RACK1: variants seen among roughly 807,000 people sequenced by gnomAD.
RACK1 encodes receptor for activated C kinase 1, also known as small ribosomal subunit protein RACK1.
In RACK1, 3 loss-of-function variants were observed where a neutral mutation model predicts 42.2. The observed-to-expected ratio is 0.07, with a 90% confidence interval of 0.03 to 0.18. The LOEUF (loss-of-function observed/expected upper bound fraction) is 0.18, where lower values mean the gene tolerates loss of function less well. Among genes scored for constraint, RACK1 ranks in the 10% least tolerant of loss-of-function variants. RACK1 has a pLI of 1.00. For missense variants in RACK1, 146 were observed against 403.2 expected, an observed-to-expected ratio of 0.36 and a Z score of 5.46; for synonymous variants, 181 against 154.8, an observed-to-expected ratio of 1.17 and a Z score of -1.25.
Position 181,243,839 on chromosome 5 carries a change from T to C in RACK1, c.-39A>G, listed in dbSNP as rs909840517. 1.3e-6 allele frequency: 2 copies of C among 1,563,316 alleles called. No homozygotes were observed. Among genetic ancestry groups the C allele is most frequent in the Non-Finnish European group, 1.7e-6 (2 of 1,153,882 alleles). ...GCGTGTGTCGCTGCAGCGACGAGGA[T>C]GGCACTGGATGGCTTAGAGAAACTA... is the stretch of plus-strand genomic sequence containing the variant. On this transcript the variant is annotated 5_prime_UTR_variant, in exon 1 of 8. Coordinates refer to ENST00000512805, the MANE Select transcript of RACK1 (RefSeq NM_006098.5).
In RACK1 at chr5:181,236,914, A is replaced by G. The variant is rs1759157510; in HGVS notation, c.*63T>C. On this transcript the variant is annotated 3_prime_UTR_variant, in exon 8 of 8. Transcript: ENST00000512805. Reference sequence around the variant, plus strand: ...AATGGAGCTTTTTTGCATATAAGAAAAAAAAACCTAAAAGTCAGAAAAGCC... The same window carrying G: ...AATGGAGCTTTTTTGCATATAAGAAGAAAAAACCTAAAAGTCAGAAAAGCC... 1.3e-6 allele frequency: 2 copies of G among 1,542,022 alleles called. No individual in the cohort carries two copies. The highest frequency in any genetic ancestry group is 1.4e-5 in the African/African-American group (1 of 70,496).
At chr5:181,240,779 T>C (rs1245717928) in intron 3 of RACK1, among the ~76,000 whole-genome samples, 1 of 152,202 alleles carries the variant, frequency 6.6e-6, no homozygotes, top group African/African-American at 2.4e-5. Context: ...CCTCCCACCT[T>C]GGCCTACCAG....
At chr5:181,243,012 G>T (rs1360694999) in intron 1 of RACK1, 4 of 348,116 alleles carry the variant, frequency 1.1e-5, no homozygotes, top group Non-Finnish European at 2.3e-5. Flanking sequence ...CTACCTCTGA[G>T]GGCCGACAGA....
intron 3 of RACK1, 88 bp from the exon 4 acceptor site, chr5:181,239,670 G>T (rs1759267629): frequency 1.3e-6 from 1 of 790,848 alleles, no homozygotes; most frequent in South Asian, 1.6e-5. Flanking sequence ...TAGGATGATG[G>T]CTGGCAGCAC....
At chr5:181,240,619 CA>C (rs1312660804) in intron 3 of RACK1, 2 of 152,224 alleles carry the variant, frequency 1.3e-5, no homozygotes, top group Admixed American at 1.3e-4. Flanking sequence ...CACCCATCCC[CA>C]AATCCCCGAT....
At chr5:181,242,444 A>C (rs1759378675) in intron 1 of RACK1, 99 bp from the exon 2 acceptor site, 10 of 751,970 alleles carry the variant, frequency 1.3e-5, no homozygotes, top group Non-Finnish European at 2.2e-5. Context: ...GTGGGTTAAC[A>C]ACAACTAAGG....
In RACK1 at chr5:181,239,284, T is replaced by C. The variant is rs975156882; in HGVS notation, c.526-107A>G. 92 of 810,696 alleles carry C rather than the reference T, an allele frequency of 1.1e-4. 1 individual carries two copies. In the Admixed American group the frequency reaches 1.6e-3, roughly 14 times the overall value. 50.2% of individuals were successfully genotyped at this position (810,696 alleles called of 1,614,324 possible). A position where few individuals can be genotyped will look rare whatever the true frequency, so the allele number is the denominator to read the frequency against. ...TTCTGGATACGGTAGCCATTTCTCA[T>C]TCAGTAACATGTCCTGGCCACTTCA... On this transcript the variant is annotated intron_variant, in intron 4 of 7. Transcript: ENST00000512805.
intron 5 of RACK1, 44 bp downstream of exon 5, chr5:181,239,021 ATG>A: frequency 8.0e-7 from 1 of 1,254,370 alleles, no homozygotes; most frequent in Non-Finnish European, 1.2e-6. Flanking sequence ...TGCTCCTTCC[ATG>A]ACGCTGTCTT....
intron 1 of RACK1, chr5:181,243,363 G>T (rs1199274370): frequency 1.4e-6 from 2 of 1,391,686 alleles, no homozygotes; most frequent in Non-Finnish European, 1.9e-6. Context: ...ATGGCATGTT[G>T]GGGTCATCAC....
chr5:181,238,679 G>A, intron 5 of RACK1: 1 of 361,402 alleles, frequency 2.8e-6, no homozygotes, highest in South Asian at 2.2e-5. Flanking sequence ...GCGGGTGCCT[G>A]TAATCCTAGC....
At chr5:181,238,393 T>C (rs1042292202) in intron 5 of RACK1, 154 bp from the exon 6 acceptor site, 8 of 721,008 alleles carry the variant, frequency 1.1e-5, no homozygotes, top group African/African-American at 1.1e-4. Flanking sequence ...TTTATCTCTG[T>C]ATACCTTTCC....
chr5:181,243,208 G>C (rs572455726), intron 1 of RACK1: 5 of 1,204,904 alleles, frequency 4.1e-6, no homozygotes, highest in Non-Finnish European at 4.4e-6. Context: ...CAGGAACACA[G>C]GGATAGGGAC....
At chr5:181,242,721 C>T in intron 1 of RACK1, 1 of 355,484 alleles carries the variant, frequency 2.8e-6, no homozygotes, top group Non-Finnish European at 5.5e-6. Context: ...CACCTGCCAG[C>T]ACGTCTGGCT....
intron 2 of RACK1, chr5:181,241,865 G>A (rs779561096): frequency 3.9e-6 from 3 of 770,632 alleles, no homozygotes; most frequent in South Asian, 1.4e-5. Flanking sequence ...GGGATTGGCT[G>A]ACAATGCCAT....
chr5:181,237,389 A>G, intron 7 of RACK1: 1 of 697,998 alleles, frequency 1.4e-6, no homozygotes, highest in Non-Finnish European at 2.6e-6. Flanking sequence ...TAAGGTATTA[A>G]TTGAAGGCTG....
At position 181,238,579 on chromosome 5, in the gene RACK1, C is replaced by CG. The variant is rs1184301087; in HGVS notation, c.637-341dup. 6.2e-5 allele frequency: 21 copies of CG among 337,086 alleles called. No individual in the cohort carries two copies. The Admixed American group carries it at 8.6e-4, about 14-fold the overall frequency. 20.9% of individuals were successfully genotyped at this position (337,086 alleles called of 1,614,324 possible). A position where few individuals can be genotyped will look rare whatever the true frequency, so the allele number is the denominator to read the frequency against. On this transcript the variant is annotated intron_variant, in intron 5 of 7. Coordinates refer to ENST00000512805, the MANE Select transcript of RACK1 (RefSeq NM_006098.5). Reference sequence around the variant, plus strand: ...CAGCACTTTGGGAAGCCGAGGTGGGCGGATCACCTGAGGTCAGGAGTTCAA... The same window carrying CG: ...CAGCACTTTGGGAAGCCGAGGTGGGCGGGATCACCTGAGGTCAGGAGTTCAA...
intron 5 of RACK1, 74 bp downstream of exon 5, chr5:181,238,993 T>C: frequency 1.1e-6 from 1 of 938,768 alleles, no homozygotes; most frequent in East Asian, 2.4e-5. Flanking sequence ...CCATTTTACG[T>C]TAGAGACGCT....
intron 3 of RACK1, among the ~76,000 whole-genome samples, chr5:181,240,697 A>T (rs4976815): frequency 0.027 from 4,164 of 152,112 alleles, 74 homozygotes; most frequent in African/African-American, 0.048. Context: ...AAGAAAAAAA[A>T]TAAATAAAAT....
chr5:181,239,286 C>G, intron 4 of RACK1, 109 bp from the exon 5 acceptor site: 1 of 808,806 alleles, frequency 1.2e-6, no homozygotes, highest in Non-Finnish European at 2.2e-6. Context: ...ATTTCTCATT[C>G]AGTAACATGT....
Sources: gnomAD v4.1 joint callset for allele counts (sites outside exome capture counted in the v4.1 genomes callset) on GRCh38, gnomAD v4.1.1 for gene constraint, MANE v1.5 for transcripts, NCBI Gene and HGNC (gene_info 2026-07-23, HGNC 2026-07-21) for gene names.